The following VTI1A variants were observed in gnomAD, a reference collection of about 807,000 sequenced individuals.
The protein encoded by VTI1A is vesicle transport through interaction with t-SNAREs 1A, also known as vesicle transport through interaction with t-SNAREs homolog 1A.
Under a neutral mutation model 34.9 loss-of-function variants are expected in VTI1A, and 22 were observed. The ratio of observed to expected loss-of-function variants is 0.63; its 90% CI spans 0.45 to 0.90. The LOEUF is 0.90. VTI1A is among the 40% of genes least tolerant of loss of function. VTI1A has a pLI of 0.00. For synonymous variants in VTI1A, 87 were observed against 97.3 expected (o/e 0.89, Z 0.62); for missense variants, 268 against 275.6 (o/e 0.97, Z 0.20).
chr10:112,548,995 C>G, intron 5 of VTI1A: 1 of 613,212 alleles, frequency 1.6e-6, no homozygotes, highest in Non-Finnish European at 2.9e-6. Context: ...GCCCTCCTGC[C>G]TTCTCTTCAA....
In VTI1A at chr10:112,464,670, C is replaced by T. The variant is rs769795100; in HGVS notation, c.264+13C>T. 2.6e-5 allele frequency: 41 copies of T among 1,603,566 alleles called. No homozygotes were observed. Among genetic ancestry groups the T allele is most frequent in the Middle Eastern group, 1.7e-4 (1 of 6,054 alleles). On this transcript the variant is annotated intron_variant, in intron 3 of 7. Coordinates refer to ENST00000393077, the MANE Select transcript of VTI1A (RefSeq NM_145206.4). ...CGAAACAGATTTTGTGAGTCAAATT[C>T]GACCCTTTGTCATATTTACTTTTTT...
In VTI1A at chr10:112,668,925, T is replaced by A. The variant is rs1221696311; in HGVS notation, c.499-12T>A. On this transcript the variant is annotated splice_polypyrimidine_tract_variant and intron_variant, in intron 6 of 7. Coordinates refer to ENST00000393077, the MANE Select transcript of VTI1A (RefSeq NM_145206.4). ...TGCATGAACTTCTGTTTTGTTTTGTTTCTTCTTGTAGCTTCGGGAAACAGA... is the reference window on the plus strand; with the variant it reads ...TGCATGAACTTCTGTTTTGTTTTGTATCTTCTTGTAGCTTCGGGAAACAGA... The A allele has an allele frequency of 1.2e-6, 2 of 1,612,118 alleles. No homozygotes were observed. The highest frequency in any genetic ancestry group is 3.3e-5 in the Admixed American group (2 of 59,980).
At chr10:112,514,958 G>C (rs1012104114) in intron 3 of VTI1A, among the ~76,000 whole-genome samples, 5 of 151,918 alleles carry the variant, frequency 3.3e-5, no homozygotes, top group Non-Finnish European at 5.9e-5. Context: ...AATGCTACAG[G>C]TTTACCAAGT....
chr10:112,565,690 G>A (rs977411513), intron 5 of VTI1A, among the ~76,000 whole-genome samples: 1 of 152,186 alleles, frequency 6.6e-6, no homozygotes, highest in Non-Finnish European at 1.5e-5. Context: ...TTCTTGTGCT[G>A]CCAGTAGTAC....
chr10:112,804,562 T>TC (rs1852996942), intron 7 of VTI1A, among the ~76,000 whole-genome samples: 1 of 152,198 alleles, frequency 6.6e-6, no homozygotes, highest in African/African-American at 2.4e-5. Context: ...AACCCAAATG[T>TC]CATGGGGTGA....
chr10:112,457,273 C>T (rs896094941), intron 1 of VTI1A, among the ~76,000 whole-genome samples: 1 of 152,192 alleles, frequency 6.6e-6, no homozygotes, highest in Non-Finnish European at 1.5e-5. Flanking sequence ...TGGTTAGTAG[C>T]ATAGCTTCTT....
intron 7 of VTI1A, among the ~76,000 whole-genome samples, chr10:112,804,286 G>A (rs554165525): frequency 6.6e-6 from 1 of 152,322 alleles, no homozygotes; most frequent in East Asian, 1.9e-4. Context: ...GGAACCAGAA[G>A]CCTGGCAGGC....
chr10:112,480,029 A>G (rs550277362), intron 3 of VTI1A, among the ~76,000 whole-genome samples: 68 of 152,342 alleles, frequency 4.5e-4, no homozygotes, highest in African/African-American at 1.6e-3. Flanking sequence ...TATTGACTTT[A>G]GCGTACATAC....
intron 5 of VTI1A, among the ~76,000 whole-genome samples, chr10:112,602,357 A>T (rs1293743006): frequency 1.3e-5 from 2 of 152,208 alleles, no homozygotes; most frequent in African/African-American, 4.8e-5. Context: ...TACCCGGGAT[A>T]TTGCTGAAAA....
At chr10:112,587,257 A>C (rs1844196948) in intron 5 of VTI1A, among the ~76,000 whole-genome samples, 1 of 152,166 alleles carries the variant, frequency 6.6e-6, no homozygotes. Flanking sequence ...ATTGTTTTCC[A>C]AAGATTCATT....
chr10:112,465,418 T>C (rs571758931), intron 3 of VTI1A, among the ~76,000 whole-genome samples: 13 of 152,316 alleles, frequency 8.5e-5, no homozygotes, highest in Admixed American at 6.5e-4. Context: ...TCCATATTCA[T>C]AGCAGCATTT....
intron 7 of VTI1A, among the ~76,000 whole-genome samples, chr10:112,709,717 GT>G (rs1179004258): frequency 7.9e-5 from 6 of 75,542 alleles, no homozygotes; most frequent in Non-Finnish European, 1.5e-4. Context: ...TTTTGAGATA[GT>G]TTTGCTCTGT....
intron 3 of VTI1A, among the ~76,000 whole-genome samples, chr10:112,509,474 G>T (rs1244466849): frequency 1.3e-5 from 2 of 152,094 alleles, no homozygotes; most frequent in African/African-American, 4.8e-5. Context: ...ATAAGAAAAA[G>T]AAAAAAGAAT....
At position 112,615,629 on chromosome 10, in the gene VTI1A, G is replaced by GA. The variant is rs1306444494; in HGVS notation, c.428-52586dup. ...TTAAGCCATATTAATTGGATTGATG[G>GA]AAAGTCCAAAGGGCTGTTAAAGTGT... On this transcript the variant is annotated intron_variant, in intron 5 of 7. Coordinates refer to ENST00000393077, the MANE Select transcript of VTI1A (RefSeq NM_145206.4). Among the ~76,000 whole-genome samples, 3 of 152,182 alleles carry GA rather than the reference G, an allele frequency of 2.0e-5. 1 individual carries two copies. Among genetic ancestry groups the GA allele is most frequent in the African/African-American group, 7.2e-5 (3 of 41,432 alleles).
rs370482486 is a variant in VTI1A at position 112,600,240 on chromosome 10, T to A, written c.427+61910T>A. On this transcript the variant is annotated intron_variant, in intron 5 of 7. Transcript: ENST00000393077. The stretch of plus-strand genomic sequence containing the variant: ...CTAATTCCTCTCCCATCTTCCAGAG[T>A]GCCCCTACTATAGTCATTTTTATCC... 2.1e-4 allele frequency among the ~76,000 whole-genome samples: 32 copies of A among 152,196 alleles called. No individual in the cohort carries two copies. In the South Asian group the frequency reaches 6.6e-3, roughly 32 times the overall value.
chr10:112,598,506 C>T (rs1182894076), intron 5 of VTI1A, among the ~76,000 whole-genome samples: 1 of 152,194 alleles, frequency 6.6e-6, no homozygotes, highest in Non-Finnish European at 1.5e-5. Flanking sequence ...CCTTTGTAGC[C>T]TTGCAGGCTA....
chr10:112,636,923 A>G (rs1169637129), intron 5 of VTI1A, among the ~76,000 whole-genome samples: 1 of 152,194 alleles, frequency 6.6e-6, no homozygotes, highest in Non-Finnish European at 1.5e-5. Context: ...ATTCATTGTC[A>G]TGGATATAGA....
At chr10:112,594,928 A>G (rs1403798560) in intron 5 of VTI1A, among the ~76,000 whole-genome samples, 1 of 149,980 alleles carries the variant, frequency 6.7e-6, no homozygotes, top group Non-Finnish European at 1.5e-5. Flanking sequence ...AGGCTACAGT[A>G]ACCAAACCAG....
intron 5 of VTI1A, among the ~76,000 whole-genome samples, chr10:112,655,907 C>T (rs1399845417): frequency 6.6e-6 from 1 of 152,202 alleles, no homozygotes; most frequent in African/African-American, 2.4e-5. Context: ...TTAAAAGCTT[C>T]CTAGATGATT....
Sources: allele counts gnomAD v4.1 joint callset (sites outside exome capture counted in the v4.1 genomes callset), GRCh38; gene constraint gnomAD v4.1.1; transcripts MANE v1.5; gene names NCBI Gene and HGNC (gene_info 2026-07-23, HGNC 2026-07-21).